LRMDA: variants seen among roughly 807,000 people sequenced by gnomAD.
LRMDA encodes the protein leucine-rich melanocyte differentiation-associated protein.
In LRMDA, 18 loss-of-function variants were observed where a neutral mutation model predicts 29.8. The observed-to-expected ratio is 0.60, with a 90% CI of 0.42 to 0.90. LRMDA has a LOEUF of 0.90. LRMDA is among the 40% of genes least tolerant of loss of function. The pLI is 0.00. For synonymous variants in LRMDA, 125 were observed against 109.4 expected, an observed-to-expected ratio of 1.14 and a Z score of -0.89; for missense variants, 273 against 273.9, an observed-to-expected ratio of 1.00 and a Z score of 0.02.
intron 2 of LRMDA, among the ~76,000 whole-genome samples, chr10:75,506,486 T>G (rs79979964): frequency 6.6e-6 from 1 of 152,146 alleles, no homozygotes; most frequent in Non-Finnish European, 1.5e-5. Context: ...TTCTGTTGTT[T>G]TTTTTTGGTG....
chr10:76,265,523 C>T (rs912329008), intron 5 of LRMDA, among the ~76,000 whole-genome samples: 3 of 152,170 alleles, frequency 2.0e-5, no homozygotes, highest in Non-Finnish European at 4.4e-5. Context: ...GGATCATTCT[C>T]GGGAAGTGCT....
chr10:75,836,649 T>C (rs916167879), intron 2 of LRMDA, among the ~76,000 whole-genome samples: 3 of 152,224 alleles, frequency 2.0e-5, no homozygotes, highest in African/African-American at 7.2e-5. Context: ...TGAGCCTTTG[T>C]AATTTTACTC....
chr10:76,188,848 G>A (rs946899270), intron 5 of LRMDA, among the ~76,000 whole-genome samples: 2 of 151,956 alleles, frequency 1.3e-5, no homozygotes, highest in East Asian at 3.9e-4. Context: ...AAGAGGAGGA[G>A]GATGGTTCCC....
At chr10:75,805,340 C>T (rs1564572686) in intron 2 of LRMDA, among the ~76,000 whole-genome samples, 2 of 152,200 alleles carry the variant, frequency 1.3e-5, no homozygotes, top group Admixed American at 6.5e-5. Flanking sequence ...AGGAGTGCTT[C>T]GTGTGTGCTG....
In LRMDA at chr10:76,557,370, AAAC is replaced by A. The variant is rs1018797072; in HGVS notation, c.*85_*87del. Reference sequence around the variant, plus strand: ...AAAAATAAAGAAAACGCTAAAGAAAAAACAATAGCCCACATTGCCTCTCTTTGG... The same window carrying A: ...AAAAATAAAGAAAACGCTAAAGAAAAAATAGCCCACATTGCCTCTCTTTGG... On this transcript the variant is annotated 3_prime_UTR_variant, in exon 7 of 7. Transcript: ENST00000611255. The A allele has an allele frequency of 7.7e-6, 9 of 1,166,652 alleles. No individual in the cohort carries two copies. The African/African-American group carries it at 1.4e-4, about 18-fold the overall frequency. The allele number at this position is 1,166,652 out of a possible 1,614,324, so 72.3% of individuals were successfully genotyped here. A position where few individuals can be genotyped will look rare whatever the true frequency, so the allele number is the denominator to read the frequency against.
chr10:76,002,364 C>T (rs558847626), intron 2 of LRMDA, among the ~76,000 whole-genome samples: 1 of 152,270 alleles, frequency 6.6e-6, no homozygotes, highest in African/African-American at 2.4e-5. Flanking sequence ...GAGGAGGTTG[C>T]GGGGTGGGGC....
At chr10:75,660,485 A>G (rs978937880) in intron 2 of LRMDA, among the ~76,000 whole-genome samples, 7 of 152,158 alleles carry the variant, frequency 4.6e-5, no homozygotes, top group Non-Finnish European at 1.0e-4. Flanking sequence ...TGCCCATCAC[A>G]GGACGGGGGG....
chr10:76,216,843 A>G (rs886287140), intron 5 of LRMDA, among the ~76,000 whole-genome samples: 1 of 152,232 alleles, frequency 6.6e-6, no homozygotes, highest in Non-Finnish European at 1.5e-5. Context: ...AGTCTTTAGA[A>G]TACTCTTTTT....
intron 6 of LRMDA, among the ~76,000 whole-genome samples, chr10:76,493,501 A>G (rs902970880): frequency 6.6e-6 from 1 of 152,142 alleles, no homozygotes; most frequent in Non-Finnish European, 1.5e-5. Flanking sequence ...TCCTTTGCTT[A>G]TTGAATTGCC....
intron 5 of LRMDA, among the ~76,000 whole-genome samples, chr10:76,130,246 C>G (rs1849962843): frequency 6.6e-6 from 1 of 152,062 alleles, no homozygotes; most frequent in African/African-American, 2.4e-5. Flanking sequence ...TCTTACACCT[C>G]TAGCCGTAAA....
At position 76,029,330 on chromosome 10, in the gene LRMDA, A is replaced by T. The variant is rs1267426904; in HGVS notation, c.132-6678A>T. Reference sequence around the variant, plus strand: ...AAATTAAAAAGCAGTATATAAATAAATGAAATACCAAGGCTATGAAAAAAT... The same window carrying T: ...AAATTAAAAAGCAGTATATAAATAATTGAAATACCAAGGCTATGAAAAAAT... On this transcript the variant is annotated intron_variant, in intron 2 of 6. Coordinates refer to ENST00000611255, the MANE Select transcript of LRMDA (RefSeq NM_001305581.2). Among the ~76,000 whole-genome samples the T allele has an allele frequency of 2.0e-5, 3 of 152,232 alleles. No individual in the cohort carries two copies. The East Asian group carries it at 5.8e-4, about 29-fold the overall frequency.
chr10:75,658,212 G>T (rs140723325), intron 2 of LRMDA, among the ~76,000 whole-genome samples: 2 of 150,702 alleles, frequency 1.3e-5, no homozygotes, highest in East Asian at 2.0e-4. Flanking sequence ...GGAATGAAAC[G>T]TGCAAAGCCT....
chr10:75,598,097 T>G (rs1840821300), intron 2 of LRMDA, among the ~76,000 whole-genome samples: 1 of 152,202 alleles, frequency 6.6e-6, no homozygotes, highest in Non-Finnish European at 1.5e-5. Flanking sequence ...TGACACGTTG[T>G]TAGCAATCTA....
In LRMDA at chr10:75,766,627, T is replaced by C. The variant is rs570816810; in HGVS notation, c.132-269381T>C. Among the ~76,000 whole-genome samples, 31 of 152,346 alleles carry C rather than the reference T, an allele frequency of 2.0e-4. 1 individual carries two copies. The South Asian group carries it at 6.4e-3, about 32-fold the overall frequency. The stretch of plus-strand genomic sequence containing the variant: ...ATTGATTTATTTCCTGTTTTATTTT[T>C]TAAAAATTTTAAATTTTACTTTAAG... On this transcript the variant is annotated intron_variant, in intron 2 of 6. Transcript: ENST00000611255.
chr10:76,408,577 T>C (rs776696211), intron 6 of LRMDA, among the ~76,000 whole-genome samples: 3 of 152,238 alleles, frequency 2.0e-5, no homozygotes, highest in Non-Finnish European at 4.4e-5. Flanking sequence ...TGCTCATTTA[T>C]ATTGATGTGA....
intron 5 of LRMDA, among the ~76,000 whole-genome samples, chr10:76,272,070 G>A (rs896405905): frequency 3.3e-5 from 5 of 152,194 alleles, no homozygotes; most frequent in African/African-American, 1.2e-4. Flanking sequence ...GGGAGGGATT[G>A]TTGGTCTTCC....
At chr10:76,240,065 A>G (rs1852242109) in intron 5 of LRMDA, among the ~76,000 whole-genome samples, 1 of 151,994 alleles carries the variant, frequency 6.6e-6, no homozygotes, top group Non-Finnish European at 1.5e-5. Flanking sequence ...ATCCCATCAA[A>G]AAGTGGACTA....
intron 2 of LRMDA, among the ~76,000 whole-genome samples, chr10:75,932,311 C>T (rs1474676381): frequency 6.6e-6 from 1 of 152,098 alleles, no homozygotes; most frequent in African/African-American, 2.4e-5. Context: ...GGTTCTCCTT[C>T]CAATTGGGTA....
At chr10:75,847,814 A>G (rs1844666516) in intron 2 of LRMDA, among the ~76,000 whole-genome samples, 1 of 152,218 alleles carries the variant, frequency 6.6e-6, no homozygotes, top group Admixed American at 6.5e-5. Context: ...GACATCCTCT[A>G]AAAGATTCAT....
Sources: allele counts gnomAD v4.1 joint callset (sites outside exome capture counted in the v4.1 genomes callset), GRCh38; gene constraint gnomAD v4.1.1; transcripts MANE v1.5; gene names NCBI Gene and HGNC (gene_info 2026-07-23, HGNC 2026-07-21).